ITGA9: variants seen among roughly 807,000 people sequenced by gnomAD.
The protein encoded by ITGA9 is integrin subunit alpha 9, also known as integrin alpha-9.
ITGA9 carries 56 observed loss-of-function variants against 127.8 expected under a neutral mutation model. The ratio of observed to expected loss-of-function variants is 0.44; its 90% CI spans 0.35 to 0.55. The LOEUF (loss-of-function observed/expected upper bound fraction) is 0.55. Among genes scored for constraint, ITGA9 ranks in the 20% least tolerant of loss-of-function variants. ITGA9 has a pLI of 0.00. For synonymous variants in ITGA9, 508 were observed against 514.5 expected (o/e 0.99, Z 0.17); for missense variants, 1,196 against 1,347.1 (o/e 0.89, Z 1.76).
chr3:37,815,879 C>T (rs2125568099), intron 27 of ITGA9, among the ~76,000 whole-genome samples: 1 of 152,268 alleles, frequency 6.6e-6, no homozygotes, highest in East Asian at 1.9e-4. Context: ...TTACATGTGC[C>T]TCTGCGGGCA....
intron 18 of ITGA9, among the ~76,000 whole-genome samples, chr3:37,710,408 C>CCA (rs1553660604): frequency 1.1e-4 from 16 of 151,454 alleles, no homozygotes; most frequent in East Asian, 3.9e-4. Context: ...TATCCCCCCC[C>CCA]CACACACATA....
intron 18 of ITGA9, among the ~76,000 whole-genome samples, chr3:37,723,851 T>C (rs1701217578): frequency 6.6e-6 from 1 of 152,218 alleles, no homozygotes; most frequent in Non-Finnish European, 1.5e-5. Flanking sequence ...AATGTAAAAT[T>C]CTTCCTTGAC....
intron 5 of ITGA9, among the ~76,000 whole-genome samples, chr3:37,499,527 G>C (rs752911696): frequency 1.4e-4 from 21 of 152,220 alleles, no homozygotes; most frequent in Non-Finnish European, 2.8e-4. Flanking sequence ...GTGTGACATT[G>C]ACACTGGCTG....
At chr3:37,720,852 A>T (rs1479048362) in intron 18 of ITGA9, among the ~76,000 whole-genome samples, 1 of 152,234 alleles carries the variant, frequency 6.6e-6, no homozygotes, top group Non-Finnish European at 1.5e-5. Flanking sequence ...GATTCACCGC[A>T]CTACAGAGGG....
At chr3:37,744,160 G>A in intron 22 of ITGA9, 126 bp downstream of exon 22, 1 of 742,054 alleles carries the variant, frequency 1.3e-6, no homozygotes, top group South Asian at 1.4e-5. Context: ...TGTGGTGTGT[G>A]TGTGAGATCT....
In ITGA9 at chr3:37,806,437, A is replaced by C. The variant is rs1381632931; in HGVS notation, c.3009+2495A>C. ...GTGGGGAGTGTTGTGGCCGTGCCCC[A>C]CTTCCCCTTATAGTCTGCATGCCCT... On this transcript the variant is annotated intron_variant, in intron 27 of 27. Transcript: ENST00000264741. The surrounding 1 kb of genome is among the most constrained non-coding windows in gnomAD (Gnocchi z 4.3). 1 of 151,976 alleles carries C rather than the reference A, an allele frequency of 6.6e-6. No homozygotes were observed. Among genetic ancestry groups the C allele is most frequent in the Non-Finnish European group, 1.5e-5 (1 of 68,084 alleles). 9.4% of individuals were successfully genotyped at this position (151,976 alleles called of 1,614,324 possible).
chr3:37,626,179 C>A (rs540022877), intron 15 of ITGA9, among the ~76,000 whole-genome samples: 2 of 152,296 alleles, frequency 1.3e-5, no homozygotes, highest in South Asian at 4.1e-4. Context: ...TTTCCCCTCA[C>A]CCTATATGCT....
chr3:37,571,117 T>C (rs764720862), intron 15 of ITGA9, among the ~76,000 whole-genome samples: 168 of 152,266 alleles, frequency 1.1e-3, no homozygotes, highest in Non-Finnish European at 1.9e-3. Flanking sequence ...GAGGCCCTTT[T>C]TGGGGGCAGG....
chr3:37,606,993 T>C (rs959394555), intron 15 of ITGA9, among the ~76,000 whole-genome samples: 2 of 102,308 alleles, frequency 2.0e-5, no homozygotes, highest in Non-Finnish European at 4.1e-5. Context: ...TTTTTTTTTT[T>C]AAAGAGATAG....
At chr3:37,492,065 G>A (rs1365658181) in intron 4 of ITGA9, among the ~76,000 whole-genome samples, 2 of 152,212 alleles carry the variant, frequency 1.3e-5, no homozygotes, top group African/African-American at 4.8e-5. Flanking sequence ...TGCCCCCAAA[G>A]TGTGTGTGGC....
chr3:37,601,658 A>G (rs991404437), intron 15 of ITGA9, among the ~76,000 whole-genome samples: 3 of 152,234 alleles, frequency 2.0e-5, no homozygotes, highest in Non-Finnish European at 4.4e-5. Context: ...CAACATGAGC[A>G]GTATTAGTCT....
At chr3:37,795,628 T>A (rs895091206) in intron 26 of ITGA9, among the ~76,000 whole-genome samples, 2 of 152,142 alleles carry the variant, frequency 1.3e-5, no homozygotes, top group African/African-American at 4.8e-5. Flanking sequence ...CAGCGTCCAG[T>A]GTGTGAGCCC....
intron 27 of ITGA9, among the ~76,000 whole-genome samples, chr3:37,816,153 AG>A: frequency 6.6e-6 from 1 of 152,264 alleles, no homozygotes; most frequent in Middle Eastern, 3.4e-3. Context: ...AAGGGTGTGG[AG>A]GGTATGTGGG....
chr3:37,611,414 C>T (rs1700015026), intron 15 of ITGA9, among the ~76,000 whole-genome samples: 1 of 152,048 alleles, frequency 6.6e-6, no homozygotes, highest in Non-Finnish European at 1.5e-5. Flanking sequence ...AGAGAATGTC[C>T]CTTGGATCCA....
chr3:37,573,098 G>C (rs1699618819), intron 15 of ITGA9: 1 of 152,158 alleles, frequency 6.6e-6, no homozygotes, highest in African/African-American at 2.4e-5. Context: ...CCTGGCCCAG[G>C]CTCCACAGGC....
chr3:37,468,974 C>T (rs906974606), intron 1 of ITGA9, among the ~76,000 whole-genome samples: 6 of 152,232 alleles, frequency 3.9e-5, no homozygotes, highest in African/African-American at 1.4e-4. Context: ...TGGCTCGTAG[C>T]TCAGCACAAA....
chr3:37,517,860 G>A (rs1463485467), intron 10 of ITGA9, among the ~76,000 whole-genome samples: 1 of 152,226 alleles, frequency 6.6e-6, no homozygotes, highest in Non-Finnish European at 1.5e-5. Context: ...CACCAGCTCA[G>A]TGTTCTTTGT....
chr3:37,471,444 G>A (rs966770290), intron 2 of ITGA9, among the ~76,000 whole-genome samples: 14 of 152,166 alleles, frequency 9.2e-5, no homozygotes, highest in Non-Finnish European at 2.9e-5. Flanking sequence ...CTAGATAGGA[G>A]GGTCAAGAAA....
intron 6 of ITGA9, 61 bp from the exon 7 acceptor site, chr3:37,505,939 G>GTT: frequency 1.7e-6 from 2 of 1,195,436 alleles, no homozygotes; most frequent in Non-Finnish European, 2.4e-6. Context: ...TCTGATGGAT[G>GTT]TTTTTTTTTC....
Sources: allele counts gnomAD v4.1 joint callset (sites outside exome capture counted in the v4.1 genomes callset), GRCh38; gene constraint gnomAD v4.1.1; non-coding constraint Gnocchi (gnomAD v3.1); transcripts MANE v1.5; gene names NCBI Gene and HGNC (gene_info 2026-07-23, HGNC 2026-07-21).